The following FAM20A variants were observed in gnomAD, a reference collection of about 807,000 sequenced individuals.
FAM20A encodes the protein pseudokinase FAM20A.
FAM20A carries 42 observed loss-of-function variants against 52.0 expected under a neutral mutation model. The observed-to-expected ratio is 0.81, with a 90% CI of 0.63 to 1.04. The LOEUF is 1.04. Ranked by LOEUF, FAM20A falls within the 50% of genes least tolerant of loss-of-function variation. The pLI is 0.00. For synonymous variants in FAM20A, 304 were observed against 298.9 expected (o/e 1.02, Z -0.18); for missense variants, 742 against 712.7 (o/e 1.04, Z -0.47).
intron 1 of FAM20A, among the ~76,000 whole-genome samples, chr17:68,573,471 CTTTCTCTT>C (rs763849594): frequency 0.017 from 2,553 of 149,116 alleles, 32 homozygotes; most frequent in Non-Finnish European, 0.023. Context: ...TTCTTTCTTT[CTTTCTCTT>C]TCTTTCTTTC....
At position 68,536,321 on chromosome 17, in the gene FAM20A, T is replaced by C. The variant is rs1455397211; in HGVS notation, c.*1156A>G. 1 of 454,110 alleles carries C rather than the reference T, an allele frequency of 2.2e-6. No homozygotes were observed. The allele number at this position is 454,110 out of a possible 1,614,324, so 28.1% of individuals were successfully genotyped here. A position where few individuals can be genotyped will look rare whatever the true frequency, so the allele number is the denominator to read the frequency against. On this transcript the variant is annotated 3_prime_UTR_variant, in exon 11 of 11. Transcript: ENST00000592554. ...ATGAGGCATTTTTACTTTTGTTGACTGACTAGTCACTCCATGGAATGAAGA... is the reference window on the plus strand; with the variant it reads ...ATGAGGCATTTTTACTTTTGTTGACCGACTAGTCACTCCATGGAATGAAGA...
At position 68,537,067 on chromosome 17, in the gene FAM20A, G is replaced by A. The variant is rs1379943333; in HGVS notation, c.*410C>T. ...TTGTGATAGGCCAGGTGTTTTGTCT[G>A]GACCAGGAGTTATCTTTGACTTGTA... On this transcript the variant is annotated 3_prime_UTR_variant, in exon 11 of 11. Transcript: ENST00000592554. This position sits in a 1 kb window ranked among gnomAD's most constrained non-coding sequence, Gnocchi z 4.2. 3.1e-5 allele frequency: 14 copies of A among 458,310 alleles called. No individual in the cohort carries two copies. The highest frequency in any genetic ancestry group is 6.1e-5 in the Non-Finnish European group (14 of 229,944). The allele number at this position is 458,310 out of a possible 1,614,324, so 28.4% of individuals were successfully genotyped here.
chr17:68,541,851 G>T, intron 7 of FAM20A, 134 bp downstream of exon 7: 1 of 1,087,204 alleles, frequency 9.2e-7, no homozygotes, highest in Non-Finnish European at 1.3e-6. Context: ...CTGATCCCAG[G>T]ATCAATATGA....
chr17:68,537,637 A>G lies in FAM20A; in HGVS notation c.1466T>C (p.Val489Ala). The change falls in exon 11 of 11, where the codon GTC (valine) becomes GCC (alanine). Residue 489 changes from valine (V) to alanine (A), a missense_variant. Transcript: ENST00000592554. The surrounding 1 kb of genome is among the most constrained non-coding windows in gnomAD (Gnocchi z 4.2). ...ESLLEDQLSP[V>A]LTEPHLLALD... ...GGCAAGGAGGTGGGGTTCAGTGAGGACAGGGCTGAGCTGGTCTTCCAGCAG... is the reference window on the plus strand; with the variant it reads ...GGCAAGGAGGTGGGGTTCAGTGAGGGCAGGGCTGAGCTGGTCTTCCAGCAG... 6.2e-7 allele frequency: 1 copy of G among 1,613,800 alleles called. No homozygotes were observed. The highest frequency in any genetic ancestry group is 8.5e-7 in the Non-Finnish European group (1 of 1,179,902).
chr17:68,540,901 G>A lies in FAM20A; in HGVS notation c.1167C>T (p.Asn389=), dbSNP rs760324379. ...CGATGACATTGAGGAGCCGCTGGCT[G>A]TTGTTGTACGGGTAGATCTGTTTCA... The part of the protein sequence containing the change: ...DTVKQIYPYN[N]SQRLLNVIDM... Residue 389 remains asparagine, a synonymous_variant, in exon 8 of 11, where the codon AAC becomes AAT. Coordinates refer to ENST00000592554, the MANE Select transcript of FAM20A (RefSeq NM_017565.4). 1 of 1,605,014 alleles carries A rather than the reference G, an allele frequency of 6.2e-7. No homozygotes were observed. Among genetic ancestry groups the A allele is most frequent in the South Asian group, 1.1e-5 (1 of 89,378 alleles).
chr17:68,571,939 A>G (rs1199128167), intron 1 of FAM20A, among the ~76,000 whole-genome samples: 3 of 138,790 alleles, frequency 2.2e-5, no homozygotes, highest in African/African-American at 7.8e-5. Flanking sequence ...CTTATGTAGA[A>G]ATATATATAT....
chr17:68,600,117 A>C lies in FAM20A; in HGVS notation c.404+146T>G. ...ACAGCTGGTGGGGTTCGGGTGGGGA[A>C]CACACTCTAAGCCCAGCGCCAGGGC... is the stretch of plus-strand genomic sequence containing the variant. On this transcript the variant is annotated intron_variant, in intron 1 of 10. Coordinates refer to ENST00000592554, the MANE Select transcript of FAM20A (RefSeq NM_017565.4). The surrounding 1 kb of genome is among the most constrained non-coding windows in gnomAD (Gnocchi z 6.2). 1 of 925,374 alleles carries C rather than the reference A, an allele frequency of 1.1e-6. No homozygotes were observed. 57.3% of individuals were successfully genotyped at this position (925,374 alleles called of 1,614,324 possible). A position where few individuals can be genotyped will look rare whatever the true frequency, so the allele number is the denominator to read the frequency against.
chr17:68,545,925 T>C (rs553904851), intron 4 of FAM20A, among the ~76,000 whole-genome samples: 1 of 152,252 alleles, frequency 6.6e-6, no homozygotes, highest in East Asian at 1.9e-4. Context: ...ATCCAAGCAC[T>C]TTGGGAGGCT....
chr17:68,587,198 G>C (rs1018625108), intron 1 of FAM20A, among the ~76,000 whole-genome samples: 4 of 152,160 alleles, frequency 2.6e-5, no homozygotes, highest in African/African-American at 9.7e-5. Flanking sequence ...GCGCCTGACT[G>C]ACCTCCAATG....
chr17:68,597,777 CTTCA>C (rs2088494459), intron 1 of FAM20A, among the ~76,000 whole-genome samples: 1 of 152,066 alleles, frequency 6.6e-6, no homozygotes, highest in Non-Finnish European at 1.5e-5. Flanking sequence ...TAGCAAGGTC[CTTCA>C]TTGTTTCTTC....
chr17:68,563,386 CAAAAAA>C (rs3059269), intron 1 of FAM20A, among the ~76,000 whole-genome samples: 2 of 117,868 alleles, frequency 1.7e-5, no homozygotes, highest in Non-Finnish European at 1.7e-5. Context: ...GACTCCGTCT[CAAAAAA>C]AAAAAAAAAA....
intron 1 of FAM20A, among the ~76,000 whole-genome samples, chr17:68,576,392 G>A (rs1356912728): frequency 6.6e-6 from 1 of 152,182 alleles, no homozygotes; most frequent in East Asian, 1.9e-4. Context: ...TGAGTGGCAG[G>A]CACAGTGCAG....
In FAM20A at chr17:68,574,313, A is replaced by G. The variant is rs565619155; in HGVS notation, c.405-18570T>C. 3.3e-5 allele frequency among the ~76,000 whole-genome samples: 5 copies of G among 152,286 alleles called. No homozygotes were observed. In the South Asian group the frequency reaches 1.0e-3, roughly 32 times the overall value. On this transcript the variant is annotated intron_variant, in intron 1 of 10. Coordinates refer to ENST00000592554, the MANE Select transcript of FAM20A (RefSeq NM_017565.4). ...CTCCTAGGCCTAAGCGATCCTCTGCAGAGTTCTGAGGTGGTGCAGGGCATC... is the reference window on the plus strand; with the variant it reads ...CTCCTAGGCCTAAGCGATCCTCTGCGGAGTTCTGAGGTGGTGCAGGGCATC...
chr17:68,562,847 C>G (rs2087254658), intron 1 of FAM20A, among the ~76,000 whole-genome samples: 1 of 152,170 alleles, frequency 6.6e-6, no homozygotes, highest in African/African-American at 2.4e-5. Context: ...GAGCTGTTTT[C>G]ATTTTCTGGG....
intron 5 of FAM20A, 75 bp downstream of exon 5, chr17:68,543,554 G>A (rs751012911): frequency 9.2e-6 from 12 of 1,304,452 alleles, no homozygotes; most frequent in Non-Finnish European, 1.3e-5. Flanking sequence ...TTCCCACCTT[G>A]AGGGTCTGTC....
intron 4 of FAM20A, 42 bp from the exon 5 acceptor site, chr17:68,543,763 G>C (rs1329080046): frequency 6.5e-7 from 1 of 1,543,782 alleles, no homozygotes; most frequent in Non-Finnish European, 9.0e-7. Flanking sequence ...TCAGACTTCA[G>C]CTGGGAGCCT....
At chr17:68,592,181 A>G (rs1206849857) in intron 1 of FAM20A, among the ~76,000 whole-genome samples, 1 of 152,220 alleles carries the variant, frequency 6.6e-6, no homozygotes, top group Admixed American at 6.5e-5. Flanking sequence ...AGGTTGGTCA[A>G]TCTAACTTTT....
At chr17:68,575,791 T>TAAACACAC (rs2087747273) in intron 1 of FAM20A, among the ~76,000 whole-genome samples, 1 of 104,238 alleles carries the variant, frequency 9.6e-6, no homozygotes, top group African/African-American at 3.7e-5. Flanking sequence ...TTTTATATTA[T>TAAACACAC]ACACACACAC....
intron 1 of FAM20A, among the ~76,000 whole-genome samples, chr17:68,584,919 G>C (rs1598074896): frequency 6.6e-6 from 1 of 152,300 alleles, no homozygotes; most frequent in Non-Finnish European, 1.5e-5. Flanking sequence ...ATTTTGCAGT[G>C]AGTTAAACCC....
Sources: allele counts gnomAD v4.1 joint callset (sites outside exome capture counted in the v4.1 genomes callset), GRCh38; gene constraint gnomAD v4.1.1; non-coding constraint Gnocchi (gnomAD v3.1); transcripts MANE v1.5; gene names NCBI Gene and HGNC (gene_info 2026-07-23, HGNC 2026-07-21).